RAET1E: variants seen among roughly 807,000 people sequenced by gnomAD.
RAET1E encodes retinoic acid early transcript 1E.
Under a neutral mutation model 21.1 loss-of-function variants are expected in RAET1E, and 27 were observed. The observed-to-expected ratio is 1.28, with a 90% CI of 0.94 to 1.76. RAET1E has a LOEUF of 1.76. Among genes scored for constraint, RAET1E ranks in the 40% most tolerant of loss-of-function variants. The pLI, the probability that RAET1E is intolerant of heterozygous loss-of-function variation, is 0.00. For synonymous variants in RAET1E, 113 were observed against 115.0 expected, an observed-to-expected ratio of 0.98 and a Z score of 0.11; for missense variants, 310 against 311.3, an observed-to-expected ratio of 1.00 and a Z score of 0.03.
chr6:149,888,569 T>A lies in RAET1E; in HGVS notation c.721A>T (p.Ile241Phe), dbSNP rs1777713537. Residue 241 changes from isoleucine to phenylalanine, a missense_variant, in exon 6 of 6, where the codon ATT becomes TTT. Ile to Phe is a conservative substitution (Grantham distance 21). Transcript: ENST00000357183. Reference protein sequence around the residue: ...GAFILLVLMGIVLICVWWQNG... With the variant: ...GAFILLVLMGFVLICVWWQNG... The stretch of plus-strand genomic sequence containing the variant: ...TGCCACCAGACACAGATGAGAACAA[T>A]TCCCATTAAAACTAACAGGATGAAT... 1 of 1,612,308 alleles carries A rather than the reference T, an allele frequency of 6.2e-7. No individual in the cohort carries two copies. The highest frequency in any genetic ancestry group is 8.5e-7 in the Non-Finnish European group (1 of 1,179,830).
Position 149,888,062 on chromosome 6 carries a change from C to A in RAET1E, c.*436G>T. ...ACTAAAAATGTAGGATGTAGTTCGG[C>A]ACTGTAATGTTTAGAGGGTGGTGAA... is the stretch of plus-strand genomic sequence containing the variant. On this transcript the variant is annotated 3_prime_UTR_variant, in exon 6 of 6. Transcript: ENST00000357183. The A allele has an allele frequency of 4.8e-6, 2 of 413,892 alleles. No individual in the cohort carries two copies. The highest frequency in any genetic ancestry group is 1.8e-5 in the South Asian group (1 of 55,804). The allele number at this position is 413,892 out of a possible 1,614,324, so 25.6% of individuals were successfully genotyped here.
intron 3 of RAET1E, among the ~76,000 whole-genome samples, chr6:149,890,549 G>A (rs556950919): frequency 4.6e-5 from 7 of 152,244 alleles, no homozygotes; most frequent in East Asian, 1.9e-4. Context: ...GAATTCCTGT[G>A]GGGTCCCAGA....
intron 2 of RAET1E, among the ~76,000 whole-genome samples, chr6:149,891,732 AT>A (rs869027631): frequency 6.6e-5 from 10 of 152,034 alleles, no homozygotes; most frequent in South Asian, 4.2e-4. Context: ...ACAAAAAAAA[AT>A]TTTTTTTTAT....
Position 149,886,736 on chromosome 6 carries a change from T to C in RAET1E, c.*1762A>G, listed in dbSNP as rs936087290. ...TCCAAAAATGGCCCTTCTTGGTGAA[T>C]GTCCCTGTGTATTTGAAAAGACACT... On this transcript the variant is annotated 3_prime_UTR_variant, in exon 6 of 6. Transcript: ENST00000357183. Among the ~76,000 whole-genome samples, 14 of 152,238 alleles carry C rather than the reference T, an allele frequency of 9.2e-5. No individual in the cohort carries two copies. The highest frequency in any genetic ancestry group is 3.4e-4 in the African/African-American group (14 of 41,458).
rs76366104 is a variant in RAET1E, at chr6:149,890,592, G to A, written c.85+225C>T. On this transcript the variant is annotated intron_variant, in intron 3 of 5. Transcript: ENST00000357183. ...GAAAGTGACCTGGAGTAGAAGGCGG[G>A]GGGTAGCATTGTAGAACTGCCCTCT... Among the ~76,000 whole-genome samples the A allele has an allele frequency of 8.7e-4, 133 of 152,250 alleles. 3 individuals are homozygous for A. In the East Asian group the frequency reaches 0.023, roughly 26 times the overall value.
intron 2 of RAET1E, among the ~76,000 whole-genome samples, chr6:149,891,804 G>A (rs369105545): frequency 3.9e-5 from 6 of 151,958 alleles, no homozygotes; most frequent in Non-Finnish European, 8.8e-5. Flanking sequence ...AGGTATATAC[G>A]TGCCCTGGTA....
At position 149,884,175 on chromosome 6, in the gene RAET1E, G is replaced by A. The variant is rs1459603530; in HGVS notation, c.*4323C>T. The A allele has an allele frequency of 5.8e-6, 2 of 344,440 alleles. No individual in the cohort carries two copies. The highest frequency in any genetic ancestry group is 1.1e-5 in the Non-Finnish European group (2 of 182,702). 21.3% of individuals were successfully genotyped at this position (344,440 alleles called of 1,614,324 possible). A position where few individuals can be genotyped will look rare whatever the true frequency, so the allele number is the denominator to read the frequency against. On this transcript the variant is annotated 3_prime_UTR_variant, in exon 6 of 6. Coordinates refer to ENST00000357183, the MANE Select transcript of RAET1E (RefSeq NM_001394057.1). ...TAGGATCATAGGTCCACAATCTCAC[G>A]AGCAAAGGCTCACTGCAGCTTCAGA...
chr6:149,884,679 C>A lies in RAET1E; in HGVS notation c.*3819G>T, dbSNP rs1395872441. Among the ~76,000 whole-genome samples the A allele has an allele frequency of 2.0e-5, 3 of 152,192 alleles. No individual in the cohort carries two copies. Among genetic ancestry groups the A allele is most frequent in the Admixed American group, 1.3e-4 (2 of 15,280 alleles). On this transcript the variant is annotated 3_prime_UTR_variant, in exon 6 of 6. Transcript: ENST00000357183. ...TATGATTGTTCACTTTCCGTTACTT[C>A]ATCATTAGTTAGACCCAGACCCCAG...
rs1777507036 is a variant in RAET1E at position 149,884,088 on chromosome 6, C to T, written c.*4410G>A. ...CTTTGCTTATCTCTCTTTTCTCCCT[C>T]ACTTTTCTTCTCTCCCTCTCACACA... On this transcript the variant is annotated 3_prime_UTR_variant, in exon 6 of 6. Coordinates refer to ENST00000357183, the MANE Select transcript of RAET1E (RefSeq NM_001394057.1). The T allele has an allele frequency of 5.4e-6, 1 of 184,424 alleles. No individual in the cohort carries two copies. Among genetic ancestry groups the T allele is most frequent in the African/African-American group, 2.3e-5 (1 of 42,688 alleles). The allele number at this position is 184,424 out of a possible 1,614,324, so 11.4% of individuals were successfully genotyped here. A position where few individuals can be genotyped will look rare whatever the true frequency, so the allele number is the denominator to read the frequency against.
chr6:149,887,219 C>G lies in RAET1E; in HGVS notation c.*1279G>C, dbSNP rs988599846. ...TACTGTTCAGACCCAGCTTCTAAAA[C>G]TGTTCTTTTGCCTCCCTTCCTACTC... On this transcript the variant is annotated 3_prime_UTR_variant, in exon 6 of 6. Transcript: ENST00000357183. Among the ~76,000 whole-genome samples, 4 of 152,212 alleles carry G rather than the reference C, an allele frequency of 2.6e-5. No individual in the cohort carries two copies. Among genetic ancestry groups the G allele is most frequent in the Non-Finnish European group, 4.4e-5 (3 of 68,046 alleles).
At position 149,890,011 on chromosome 6, in the gene RAET1E, G is replaced by A. The variant is rs747638151; in HGVS notation, c.220C>T (p.Leu74=). 5.0e-6 allele frequency: 8 copies of A among 1,614,062 alleles called. No individual in the cohort carries two copies. The highest frequency in any genetic ancestry group is 3.3e-4 in the Middle Eastern group (2 of 6,084). ...YNSDNNMVKP[L]GLLGKKVYAT... is the part of the protein sequence containing the mutation. ...TATACCTTCTTCCCCAGGAGGCCCAGAGGTTTGACCATGTTGTTGTCACTG... is the reference window on the plus strand; with the variant it reads ...TATACCTTCTTCCCCAGGAGGCCCAAAGGTTTGACCATGTTGTTGTCACTG... The change falls in exon 4 of 6, where the codon CTG becomes TTG. Residue 74 remains leucine, a synonymous_variant. Transcript: ENST00000357183.
At chr6:149,893,134 C>T (rs7740145) in intron 2 of RAET1E, among the ~76,000 whole-genome samples, 62,699 of 151,982 alleles carry the variant, frequency 0.41, 13,811 homozygotes, top group East Asian at 0.88. Context: ...TCAGGTAGCA[C>T]GGTGCCTCCA....
In RAET1E at chr6:149,895,876, G is replaced by C. The variant is rs910667038; in HGVS notation, c.-164C>G. ...TGGAAGATGGGAAGTCCAAGATCAAGGTGTCAGCAGGTCCGGTATCTGGCG... is the reference window on the plus strand; with the variant it reads ...TGGAAGATGGGAAGTCCAAGATCAACGTGTCAGCAGGTCCGGTATCTGGCG... On this transcript the variant is annotated 5_prime_UTR_variant, in exon 2 of 6. Coordinates refer to ENST00000357183, the MANE Select transcript of RAET1E (RefSeq NM_001394057.1). 1.3e-5 allele frequency: 2 copies of C among 152,250 alleles called. No individual in the cohort carries two copies. The highest frequency in any genetic ancestry group is 4.8e-5 in the African/African-American group (2 of 41,454). The allele number at this position is 152,250 out of a possible 1,614,324, so 9.4% of individuals were successfully genotyped here.
At chr6:149,894,016 G>A (rs1778015207) in intron 2 of RAET1E, among the ~76,000 whole-genome samples, 1 of 152,192 alleles carries the variant, frequency 6.6e-6, no homozygotes, top group South Asian at 2.1e-4. Flanking sequence ...ATTGACTTGT[G>A]TATGTTGAAC....
At position 149,886,548 on chromosome 6, in the gene RAET1E, C is replaced by T. The variant is rs1478893905; in HGVS notation, c.*1950G>A. ...TAGCTGGGATTACAGGCCCATGCCA[C>T]CACACCCGGCTAATTTTTGTATTTT... is the stretch of plus-strand genomic sequence containing the variant. On this transcript the variant is annotated 3_prime_UTR_variant, in exon 6 of 6. Transcript: ENST00000357183. Among the ~76,000 whole-genome samples the T allele has an allele frequency of 1.3e-5, 2 of 152,218 alleles. No homozygotes were observed. Among genetic ancestry groups the T allele is most frequent in the Non-Finnish European group, 2.9e-5 (2 of 68,040 alleles).
intron 3 of RAET1E, 121 bp from the exon 4 acceptor site, chr6:149,890,266 C>A: frequency 2.0e-6 from 2 of 1,018,488 alleles, no homozygotes; most frequent in Non-Finnish European, 2.9e-6. Context: ...CAGCTCCATC[C>A]CAGACTCCCT....
intron 2 of RAET1E, among the ~76,000 whole-genome samples, chr6:149,894,744 G>A (rs1778047210): frequency 6.6e-6 from 1 of 152,024 alleles, no homozygotes; most frequent in African/African-American, 2.4e-5. Flanking sequence ...GGAGTTGTTT[G>A]TTATTATTCA....
Position 149,884,403 on chromosome 6 carries a change from T to C in RAET1E, c.*4095A>G. ...ATTGCAGGCTCCGCCTCCACTTGAC[T>C]CAGGGAACACACAGCAGTGGGAGCC... On this transcript the variant is annotated 3_prime_UTR_variant, in exon 6 of 6. Coordinates refer to ENST00000357183, the MANE Select transcript of RAET1E (RefSeq NM_001394057.1). 7.7e-7 allele frequency: 1 copy of C among 1,292,362 alleles called. No individual in the cohort carries two copies. Among genetic ancestry groups the C allele is most frequent in the Non-Finnish European group, 1.1e-6 (1 of 925,826 alleles). 80.1% of individuals were successfully genotyped at this position (1,292,362 alleles called of 1,614,324 possible). A position where few individuals can be genotyped will look rare whatever the true frequency, so the allele number is the denominator to read the frequency against.
chr6:149,889,620 G>A lies in RAET1E; in HGVS notation c.350C>T (p.Pro117Leu). 6.2e-7 allele frequency: 1 copy of A among 1,613,852 alleles called. No homozygotes were observed. ...DIKPQIKTSDPSTLQVEMFCQ... is the reference protein window; with the variant it reads ...DIKPQIKTSDLSTLQVEMFCQ... ...AAACATCTCGACTTGCAGAGTGGAA[G>A]GATCTGCAATCCAAACACAAAGCCA... is the stretch of plus-strand genomic sequence containing the variant. Residue 117 changes from proline to leucine, a missense_variant, in exon 5 of 6, where the codon CCT becomes CTT. Pro to Leu is a moderately conservative substitution (Grantham distance 98). Transcript: ENST00000357183.
Sources: gnomAD v4.1 joint callset for allele counts (sites outside exome capture counted in the v4.1 genomes callset) on GRCh38, gnomAD v4.1.1 for gene constraint, MANE v1.5 for transcripts, NCBI Gene and HGNC (gene_info 2026-07-23, HGNC 2026-07-21) for gene names.